TTC8: variants seen among roughly 807,000 people sequenced by gnomAD.
TTC8 encodes tetratricopeptide repeat domain 8.
In TTC8, 47 loss-of-function variants were observed where a neutral mutation model predicts 72.5. The observed-to-expected ratio is 0.65, with a 90% CI of 0.51 to 0.83. TTC8 has a LOEUF of 0.83. Ranked by LOEUF, TTC8 falls within the 40% of genes least tolerant of loss-of-function variation. The pLI, the probability that TTC8 is intolerant of heterozygous loss-of-function variation, is 0.00. For missense variants in TTC8, 611 were observed against 623.2 expected, an observed-to-expected ratio of 0.98 and a Z score of 0.21; for synonymous variants, 199 against 221.4, an observed-to-expected ratio of 0.90 and a Z score of 0.90.
intron 7 of TTC8, among the ~76,000 whole-genome samples, chr14:88,845,779 A>G (rs904197138): frequency 6.6e-6 from 1 of 152,160 alleles, no homozygotes; most frequent in African/African-American, 2.4e-5. Flanking sequence ...CATCCAATGT[A>G]TGTTTGAACC....
chr14:88,870,834 A>G (rs1055542394), intron 11 of TTC8, among the ~76,000 whole-genome samples: 2 of 152,296 alleles, frequency 1.3e-5, no homozygotes, highest in East Asian at 1.9e-4. Context: ...TGGAGGCATA[A>G]AATGTAATAA....
At chr14:88,868,701 C>G (rs1046560067) in intron 10 of TTC8, among the ~76,000 whole-genome samples, 1 of 152,030 alleles carries the variant, frequency 6.6e-6, no homozygotes, top group Non-Finnish European at 1.5e-5. Flanking sequence ...TATATGGAAA[C>G]TTGGGTAATT....
upstream of TTC8, chr14:88,824,280 A>T: frequency 5.9e-6 from 1 of 168,490 alleles, no homozygotes. Context: ...AGGGATGGAA[A>T]CGAGCGAATG....
At chr14:88,840,018 C>G (rs942757110) in intron 3 of TTC8, 1 of 171,878 alleles carries the variant, frequency 5.8e-6, no homozygotes, top group Non-Finnish European at 1.3e-5. Flanking sequence ...GAAAACATCA[C>G]TTTATTCTTA....
In TTC8 at chr14:88,877,564, T is replaced by A; in HGVS notation, c.*154T>A. On this transcript the variant is annotated 3_prime_UTR_variant, in exon 15 of 15. Transcript: ENST00000380656. ...GGTGACACATAAGGGTGACACAGAA[T>A]GTGTAATGCAAATTTCATAGTAATA... 1 of 622,914 alleles carries A rather than the reference T, an allele frequency of 1.6e-6. No homozygotes were observed. The highest frequency in any genetic ancestry group is 2.8e-5 in the East Asian group (1 of 36,170). 38.6% of individuals were successfully genotyped at this position (622,914 alleles called of 1,614,324 possible). A position where few individuals can be genotyped will look rare whatever the true frequency, so the allele number is the denominator to read the frequency against.
At chr14:88,855,884 C>T (rs946110834) in intron 8 of TTC8, among the ~76,000 whole-genome samples, 1 of 152,112 alleles carries the variant, frequency 6.6e-6, no homozygotes, top group African/African-American at 2.4e-5. Flanking sequence ...AGTTGGCAGC[C>T]AGCCTTGGCA....
Position 88,871,868 on chromosome 14 carries a change from A to G in TTC8, c.1224+145A>G. The G allele has an allele frequency of 1.1e-6, 1 of 883,964 alleles. No individual in the cohort carries two copies. The highest frequency in any genetic ancestry group is 1.8e-6 in the Non-Finnish European group (1 of 552,014). 54.8% of individuals were successfully genotyped at this position (883,964 alleles called of 1,614,324 possible). ...GGAGTTTGAGACCACCCTGGGCAAC[A>G]TAGTGGGACTCTGTCTCTACAAAAA... On this transcript the variant is annotated intron_variant, in intron 12 of 14. Coordinates refer to ENST00000380656, the MANE Select transcript of TTC8 (RefSeq NM_144596.4). The surrounding 1 kb of genome is among the most constrained non-coding windows in gnomAD (Gnocchi z 4.1).
chr14:88,859,901 A>AAATATATTATATATTATATAATATATAAT (rs1566850405), intron 9 of TTC8, among the ~76,000 whole-genome samples: 9 of 117,200 alleles, frequency 7.7e-5, no homozygotes, highest in African/African-American at 2.1e-4. Flanking sequence ...TATATAATAT[A>AAATATATTATATATTATATAATATATAAT]ATATAAATAT....
intron 8 of TTC8, among the ~76,000 whole-genome samples, chr14:88,854,380 C>T (rs915567940): frequency 3.3e-5 from 5 of 152,286 alleles, no homozygotes; most frequent in South Asian, 4.1e-4. Context: ...CTTATACATT[C>T]ATTCATTCAC....
intron 10 of TTC8, among the ~76,000 whole-genome samples, chr14:88,868,092 G>A (rs1317945610): frequency 6.6e-6 from 1 of 152,084 alleles, no homozygotes; most frequent in African/African-American, 2.4e-5. Flanking sequence ...AAGCAGAAGT[G>A]GAGCTTTTGG....
chr14:88,855,140 T>C (rs181036484), intron 8 of TTC8, among the ~76,000 whole-genome samples: 7 of 152,344 alleles, frequency 4.6e-5, no homozygotes, highest in African/African-American at 1.7e-4. Flanking sequence ...ATCTTGCCTG[T>C]TTACTATCTC....
At chr14:88,855,661 A>G (rs2094852768) in intron 8 of TTC8, among the ~76,000 whole-genome samples, 1 of 152,178 alleles carries the variant, frequency 6.6e-6, no homozygotes, top group South Asian at 2.1e-4. Context: ...TTTTATATGT[A>G]TCTTTTTATT....
At chr14:88,868,240 G>A (rs1566856711) in intron 10 of TTC8, among the ~76,000 whole-genome samples, 1 of 152,160 alleles carries the variant, frequency 6.6e-6, no homozygotes, top group Non-Finnish European at 1.5e-5. Context: ...TCATAAAAAT[G>A]TTATGTATGT....
At chr14:88,866,706 T>G (rs186377735) in intron 10 of TTC8, among the ~76,000 whole-genome samples, 348 of 152,292 alleles carry the variant, frequency 2.3e-3, no homozygotes, top group Non-Finnish European at 4.1e-3. Flanking sequence ...ACACTGAGCC[T>G]TCCTGTGTTG....
intron 10 of TTC8, among the ~76,000 whole-genome samples, chr14:88,865,604 G>T (rs1171526977): frequency 6.6e-6 from 1 of 152,112 alleles, no homozygotes; most frequent in African/African-American, 2.4e-5. Flanking sequence ...GGAGGCAGAG[G>T]TTGCGGTAAG....
chr14:88,875,539 A>G (rs1422051474), intron 14 of TTC8, among the ~76,000 whole-genome samples: 2 of 152,190 alleles, frequency 1.3e-5, no homozygotes, highest in Non-Finnish European at 2.9e-5. Context: ...AGCTATGAAG[A>G]ATATGGGGGA....
intron 10 of TTC8, among the ~76,000 whole-genome samples, chr14:88,865,248 G>A (rs2094904793): frequency 6.6e-6 from 1 of 152,142 alleles, no homozygotes; most frequent in Non-Finnish European, 1.5e-5. Context: ...CCTTGGGAGT[G>A]GATGGGAAGT....
chr14:88,851,623 G>A (rs993461931), intron 7 of TTC8, among the ~76,000 whole-genome samples: 1 of 151,882 alleles, frequency 6.6e-6, no homozygotes, highest in African/African-American at 2.4e-5. Flanking sequence ...TATTTTTCTA[G>A]TATATCTGAA....
At chr14:88,843,131 T>C (rs2094789840) in intron 6 of TTC8, among the ~76,000 whole-genome samples, 1 of 151,998 alleles carries the variant, frequency 6.6e-6, no homozygotes, top group South Asian at 2.1e-4. Flanking sequence ...TTTAGAGGAG[T>C]TGAGTGAAAT....
Sources: gnomAD v4.1 joint callset for allele counts (sites outside exome capture counted in the v4.1 genomes callset) on GRCh38, gnomAD v4.1.1 for gene constraint, Gnocchi (gnomAD v3.1) non-coding constraint, MANE v1.5 for transcripts, NCBI Gene and HGNC (gene_info 2026-07-23, HGNC 2026-07-21) for gene names.